The following ACVR2A variants were observed in gnomAD, a reference collection of about 807,000 sequenced individuals.
ACVR2A encodes activin receptor type-2A.
In ACVR2A, 7 loss-of-function variants were observed where a neutral mutation model predicts 61.4. That is an observed-to-expected ratio of 0.11 (90% CI 0.06 to 0.21). ACVR2A has a LOEUF of 0.21. Among genes scored for constraint, ACVR2A ranks in the 10% least tolerant of loss-of-function variants. The pLI is 1.00. For synonymous variants in ACVR2A, 193 were observed against 208.3 expected, an observed-to-expected ratio of 0.93 and a Z score of 0.63; for missense variants, 322 against 621.7, an observed-to-expected ratio of 0.52 and a Z score of 5.13.
At chr2:147,916,332 A>G (rs1433871191) in intron 5 of ACVR2A, among the ~76,000 whole-genome samples, 2 of 151,868 alleles carry the variant, frequency 1.3e-5, no homozygotes, top group Non-Finnish European at 2.9e-5. Flanking sequence ...AAGCTCAGAG[A>G]AAGGCATTTG....
chr2:147,865,462 C>T (rs2105149934), intron 1 of ACVR2A, among the ~76,000 whole-genome samples: 1 of 152,266 alleles, frequency 6.6e-6, no homozygotes, highest in South Asian at 2.1e-4. Context: ...CTGCCTGTTT[C>T]TTCTCAAAGT....
intron 8 of ACVR2A, among the ~76,000 whole-genome samples, chr2:147,921,609 A>G (rs1015042931): frequency 1.3e-5 from 2 of 152,142 alleles, no homozygotes; most frequent in African/African-American, 2.4e-5. Context: ...AGCTCTAGAA[A>G]AGTTGACTGC....
upstream of ACVR2A, chr2:147,844,578 C>G (rs1031295314): frequency 8.5e-5 from 13 of 152,150 alleles, no homozygotes; most frequent in Non-Finnish European, 1.6e-4. Flanking sequence ...TGGACCAGAA[C>G]TTGGCCGCCG....
chr2:147,872,079 C>T (rs1175090074), intron 1 of ACVR2A, among the ~76,000 whole-genome samples: 1 of 152,002 alleles, frequency 6.6e-6, no homozygotes, highest in Non-Finnish European at 1.5e-5. Context: ...TTTGAGTTAG[C>T]ATTGAAAATA....
At chr2:147,864,387 G>A (rs1242782410) in intron 1 of ACVR2A, among the ~76,000 whole-genome samples, 2 of 151,956 alleles carry the variant, frequency 1.3e-5, no homozygotes, top group Admixed American at 6.5e-5. Flanking sequence ...GCTCTACAAC[G>A]CCCCGCTAAT....
At chr2:147,844,624 T>A, upstream of ACVR2A, 1 of 152,576 alleles carries the variant, frequency 6.6e-6, no homozygotes, top group Non-Finnish European at 1.4e-5. Flanking sequence ...CCGCCGCCCC[T>A]TCCCCGCGCC....
intron 1 of ACVR2A, among the ~76,000 whole-genome samples, chr2:147,880,157 T>C (rs1686263954): frequency 6.6e-6 from 1 of 152,156 alleles, no homozygotes; most frequent in Non-Finnish European, 1.5e-5. Flanking sequence ...GAAGCTGTTA[T>C]GGTTGCTGCT....
intron 4 of ACVR2A, among the ~76,000 whole-genome samples, chr2:147,909,414 T>C (rs1382301872): frequency 6.6e-6 from 1 of 152,184 alleles, no homozygotes; most frequent in African/African-American, 2.4e-5. Context: ...GAACTATTCT[T>C]CATTCTTTTC....
intron 1 of ACVR2A, 73 bp from the exon 2 acceptor site, chr2:147,896,228 G>T (rs879055652): frequency 7.3e-7 from 1 of 1,372,650 alleles, no homozygotes; most frequent in East Asian, 2.4e-5. Context: ...AATACCTAAA[G>T]TTGCTATCTT....
In ACVR2A at chr2:147,845,431, A is replaced by T. The variant is rs183488820; in HGVS notation, c.55+224A>T. Among the ~76,000 whole-genome samples, 16 of 144,018 alleles carry T rather than the reference A, an allele frequency of 1.1e-4. No individual in the cohort carries two copies. In the East Asian group the frequency reaches 3.1e-3, roughly 28 times the overall value. The allele number at this position is 144,018 out of a possible 152,430, so 94.5% of individuals were successfully genotyped here. On this transcript the variant is annotated intron_variant, in intron 1 of 10. Transcript: ENST00000241416. ...CTTTTTGAGTTGGGTCGGCGAGCTG[A>T]TAAGAGTGAGTGCTGTGTTGTTGTG...
intron 1 of ACVR2A, among the ~76,000 whole-genome samples, chr2:147,851,854 A>G (rs2105132440): frequency 6.6e-6 from 1 of 152,206 alleles, no homozygotes; most frequent in Non-Finnish European, 1.5e-5. Context: ...GGTGCTCAGC[A>G]AATGTTTATT....
At chr2:147,925,633 G>A (rs1687484458) in intron 9 of ACVR2A, 1 of 157,190 alleles carries the variant, frequency 6.4e-6, no homozygotes, top group Non-Finnish European at 1.4e-5. Context: ...ATTGAACCTA[G>A]AGCCTCCAGA....
At chr2:147,884,873 T>C (rs927180557) in intron 1 of ACVR2A, among the ~76,000 whole-genome samples, 2 of 152,154 alleles carry the variant, frequency 1.3e-5, no homozygotes, top group Non-Finnish European at 2.9e-5. Flanking sequence ...TTTAAAATAC[T>C]ACCTCTATTC....
chr2:147,872,051 G>A lies in ACVR2A; in HGVS notation c.56-24250G>A, dbSNP rs757739375. Among the ~76,000 whole-genome samples the A allele has an allele frequency of 3.9e-5, 6 of 151,980 alleles. No homozygotes were observed. The South Asian group carries it at 6.2e-4, about 16-fold the overall frequency. On this transcript the variant is annotated intron_variant, in intron 1 of 10. Transcript: ENST00000241416. The stretch of plus-strand genomic sequence containing the variant: ...CCAACATAGTGACAAACCTGATCAC[G>A]TATTTTCCATTTTCTCCTTTGAGTT...
At chr2:147,915,167 A>G in intron 4 of ACVR2A, 24 bp from the exon 5 acceptor site, 1 of 1,606,032 alleles carries the variant, frequency 6.2e-7, no homozygotes, top group African/African-American at 1.3e-5. Flanking sequence ...GCTTATTTAT[A>G]GTATTATTAT....
At chr2:147,853,962 A>G (rs1685505307) in intron 1 of ACVR2A, among the ~76,000 whole-genome samples, 1 of 152,164 alleles carries the variant, frequency 6.6e-6, no homozygotes, top group Admixed American at 6.5e-5. Context: ...AGATGTATTA[A>G]ATGAATTGAT....
At chr2:147,893,281 A>G (rs1219186050) in intron 1 of ACVR2A, among the ~76,000 whole-genome samples, 2 of 152,184 alleles carry the variant, frequency 1.3e-5, no homozygotes, top group Non-Finnish European at 2.9e-5. Context: ...TCCATTCACC[A>G]TTGATGGACA....
At chr2:147,904,295 T>C (rs541757001) in intron 4 of ACVR2A, among the ~76,000 whole-genome samples, 4 of 152,010 alleles carry the variant, frequency 2.6e-5, no homozygotes, top group African/African-American at 9.6e-5. Context: ...TATTAAGAAG[T>C]CTTATTGTGG....
At chr2:147,845,027 T>TTTTTTTGG, upstream of ACVR2A, 1 of 241,322 alleles carries the variant, frequency 4.1e-6, no homozygotes, top group Non-Finnish European at 8.1e-6. Flanking sequence ...TTTTTTTTTT[T>TTTTTTTGG]GGTCTGGGCT....
Sources: allele counts gnomAD v4.1 joint callset (sites outside exome capture counted in the v4.1 genomes callset), GRCh38; gene constraint gnomAD v4.1.1; transcripts MANE v1.5; gene names NCBI Gene and HGNC (gene_info 2026-07-23, HGNC 2026-07-21).